Variants in PPARGC1A observed in about 807,000 individuals in gnomAD.
PPARGC1A encodes PPARG coactivator 1 alpha.
PPARGC1A carries 25 observed loss-of-function variants against 88.7 expected under a neutral mutation model. That is an observed-to-expected ratio of 0.28 (90% confidence interval 0.21 to 0.39). The LOEUF (loss-of-function observed/expected upper bound fraction) is 0.39. PPARGC1A is among the 10% of genes least tolerant of loss of function. PPARGC1A has a pLI of 1.00. For synonymous variants in PPARGC1A, 363 were observed against 355.6 expected, an observed-to-expected ratio of 1.02 and a Z score of -0.24; for missense variants, 880 against 968.7, an observed-to-expected ratio of 0.91 and a Z score of 1.22.
the PPARGC1A span, among the ~76,000 whole-genome samples, chr4:24,459,203 C>T: frequency 6.6e-6 from 1 of 151,896 alleles, no homozygotes; most frequent in Non-Finnish European, 1.5e-5. Flanking sequence ...TGAAAATATC[C>T]TAATTTCAAG....
chr4:24,218,569 A>C, the PPARGC1A span, among the ~76,000 whole-genome samples: 2 of 151,666 alleles, frequency 1.3e-5, no homozygotes, highest in African/African-American at 4.9e-5. Flanking sequence ...CCTTTTCAAA[A>C]AGGCATTCAA....
chr4:23,995,613 A>AC, the PPARGC1A span, among the ~76,000 whole-genome samples: 1 of 151,932 alleles, frequency 6.6e-6, no homozygotes, highest in Non-Finnish European at 1.5e-5. Context: ...CATTTCTGTC[A>AC]CCTCCTTACA....
the PPARGC1A span, among the ~76,000 whole-genome samples, chr4:24,118,283 G>C: frequency 3.3e-5 from 5 of 152,174 alleles, no homozygotes; most frequent in African/African-American, 1.2e-4. Flanking sequence ...CAGCCTGCCA[G>C]AGGAGGAGCT....
At chr4:24,343,653 T>A in the PPARGC1A span, among the ~76,000 whole-genome samples, 1 of 152,192 alleles carries the variant, frequency 6.6e-6, no homozygotes, top group African/African-American at 2.4e-5. Context: ...CTGAAACTTA[T>A]TTGACTTTCT....
chr4:24,049,330 G>A, the PPARGC1A span, among the ~76,000 whole-genome samples: 3 of 110,060 alleles, frequency 2.7e-5, no homozygotes, highest in South Asian at 8.2e-4. Flanking sequence ...ATATGTGTGT[G>A]TGTGTATATA....
intron 7 of PPARGC1A, chr4:23,820,299 C>T (rs1370974295): frequency 1.3e-5 from 2 of 152,394 alleles, no homozygotes; most frequent in African/African-American, 4.8e-5. Flanking sequence ...AGGGTGATGA[C>T]ATCTGATTAT....
chr4:23,963,193 G>A, the PPARGC1A span, among the ~76,000 whole-genome samples: 4 of 152,130 alleles, frequency 2.6e-5, no homozygotes, highest in Admixed American at 6.5e-5. Flanking sequence ...ATTAAACCTA[G>A]AAGATCTTTT....
At chr4:24,312,081 T>A in the PPARGC1A span, among the ~76,000 whole-genome samples, 2,462 of 152,248 alleles carry the variant, frequency 0.016, 74 homozygotes, top group African/African-American at 0.057. Context: ...TATACGTGTA[T>A]CTCTATAACA....
At chr4:23,895,976 GTGTGTATATATA>G (rs1472902896) in intron 1 of PPARGC1A, among the ~76,000 whole-genome samples, 1,448 of 37,788 alleles carry the variant, frequency 0.038, 23 homozygotes, top group African/African-American at 0.093. Context: ...GTGTGTGTGT[GTGTGTATATATA>G]TATACACACA....
At chr4:24,471,203 C>T in the PPARGC1A span, among the ~76,000 whole-genome samples, 5 of 152,062 alleles carry the variant, frequency 3.3e-5, no homozygotes, top group East Asian at 2.0e-4. This position sits in a 1 kb window ranked among gnomAD's most constrained non-coding sequence, Gnocchi z 5.4. Flanking sequence ...CCGCGGGGCC[C>T]GGGAATCCCC....
At chr4:24,444,028 C>CGTTGTTGTTGTTATT in the PPARGC1A span, among the ~76,000 whole-genome samples, 1 of 151,954 alleles carries the variant, frequency 6.6e-6, no homozygotes, top group African/African-American at 2.4e-5. Flanking sequence ...GTAATTTCGT[C>CGTTGTTGTTGTTATT]GTTGTTGTTG....
chr4:24,273,092 C>T, the PPARGC1A span, among the ~76,000 whole-genome samples: 2 of 152,334 alleles, frequency 1.3e-5, no homozygotes, highest in East Asian at 3.9e-4. Flanking sequence ...CATGAAATTA[C>T]AATGGCATCT....
chr4:23,903,160 C>T (rs922354381), upstream of PPARGC1A, among the ~76,000 whole-genome samples: 2 of 152,122 alleles, frequency 1.3e-5, no homozygotes, highest in Non-Finnish European at 2.9e-5. Flanking sequence ...TTAGCCCATC[C>T]TATTTACTCT....
the PPARGC1A span, among the ~76,000 whole-genome samples, chr4:24,469,168 G>C: frequency 6.6e-6 from 1 of 152,178 alleles, no homozygotes; most frequent in African/African-American, 2.4e-5. Context: ...TGCAAATTTG[G>C]CCCAGGCCTT....
At chr4:24,246,472 G>C in the PPARGC1A span, among the ~76,000 whole-genome samples, 1 of 152,042 alleles carries the variant, frequency 6.6e-6, no homozygotes, top group African/African-American at 2.4e-5. Flanking sequence ...AAAATTAGCC[G>C]GGCGTGGTGG....
chr4:24,402,337 C>T, the PPARGC1A span, among the ~76,000 whole-genome samples: 1 of 152,306 alleles, frequency 6.6e-6, no homozygotes, highest in East Asian at 1.9e-4. Context: ...GGGGGAGCTG[C>T]CGTGTCTTCC....
chr4:24,326,641 CGG>C, the PPARGC1A span, among the ~76,000 whole-genome samples: 1 of 152,170 alleles, frequency 6.6e-6, no homozygotes, highest in Non-Finnish European at 1.5e-5. Context: ...TTACCTATCT[CGG>C]CATAATTCTC....
chr4:24,007,862 C>T, the PPARGC1A span, among the ~76,000 whole-genome samples: 10 of 152,096 alleles, frequency 6.6e-5, no homozygotes, highest in African/African-American at 1.9e-4. Flanking sequence ...GTGGTCCAGT[C>T]GAGAACTGAT....
At chr4:24,209,160 A>G in the PPARGC1A span, among the ~76,000 whole-genome samples, 1 of 152,164 alleles carries the variant, frequency 6.6e-6, no homozygotes, top group Non-Finnish European at 1.5e-5. Flanking sequence ...TCATCACTGA[A>G]CAGCTAGACC....
Sources: allele counts gnomAD v4.1 joint callset (sites outside exome capture counted in the v4.1 genomes callset), GRCh38; gene constraint gnomAD v4.1.1; non-coding constraint Gnocchi (gnomAD v3.1); transcripts MANE v1.5; gene names NCBI Gene and HGNC (gene_info 2026-07-23, HGNC 2026-07-21).